CXADR: variants seen among roughly 807,000 people sequenced by gnomAD.
CXADR encodes CXADR cell adhesion molecule.
Under a neutral mutation model 40.3 loss-of-function variants are expected in CXADR, and 20 were observed. The observed-to-expected ratio is 0.50, with a 90% CI of 0.35 to 0.72. CXADR has a LOEUF of 0.72. Among genes scored for constraint, CXADR ranks in the 30% least tolerant of loss-of-function variants. The pLI, the probability that CXADR is intolerant of heterozygous loss-of-function variation, is 0.01. For missense variants in CXADR, 332 were observed against 449.1 expected (o/e 0.74, Z 2.36); for synonymous variants, 150 against 161.3 (o/e 0.93, Z 0.53).
At chr21:17,603,996 C>T in the CXADR span, 3 of 505,670 alleles carry the variant, frequency 5.9e-6, no homozygotes, top group Non-Finnish European at 8.3e-6. Flanking sequence ...ACTGAGAGTG[C>T]CTGGTCCACA....
chr21:17,547,617 G>A lies in CXADR; in HGVS notation c.210+424G>A, dbSNP rs141495791. Among the ~76,000 whole-genome samples, 44 of 152,270 alleles carry A rather than the reference G, an allele frequency of 2.9e-4. No individual in the cohort carries two copies. In the East Asian group the frequency reaches 8.3e-3, roughly 29 times the overall value. ...CGTTAGACAGAATTGAAATTTTTAAGTTTTACCCAAGGATTCTGTCAGCAG... is the reference window on the plus strand; with the variant it reads ...CGTTAGACAGAATTGAAATTTTTAAATTTTACCCAAGGATTCTGTCAGCAG... On this transcript the variant is annotated intron_variant, in intron 2 of 6. Transcript: ENST00000284878.
chr21:17,526,106 A>G (rs971849731), intron 1 of CXADR, among the ~76,000 whole-genome samples: 2 of 152,208 alleles, frequency 1.3e-5, no homozygotes, highest in Non-Finnish European at 2.9e-5. Flanking sequence ...TCTCATTTGC[A>G]CTAGCCATGT....
chr21:17,585,607 T>C (rs1413273786), intron 7 of CXADR, among the ~76,000 whole-genome samples: 1 of 152,158 alleles, frequency 6.6e-6, no homozygotes, highest in East Asian at 1.9e-4. Context: ...AACCTCCGCC[T>C]CCCAGGTTCA....
intron 4 of CXADR, among the ~76,000 whole-genome samples, chr21:17,560,115 C>T (rs2061095048): frequency 6.6e-6 from 1 of 152,026 alleles, no homozygotes; most frequent in Admixed American, 6.6e-5. Context: ...TAAAAGAAAA[C>T]CCGTGTGACA....
At chr21:17,613,621 G>T in the CXADR span, 1 of 152,218 alleles carries the variant, frequency 6.6e-6, no homozygotes, top group East Asian at 1.9e-4. Flanking sequence ...AAGGAATGAA[G>T]CCTTGAGAGT....
At chr21:17,576,029 A>C (rs1189914651) in intron 7 of CXADR, among the ~76,000 whole-genome samples, 2 of 147,332 alleles carry the variant, frequency 1.4e-5, no homozygotes, top group Middle Eastern at 3.5e-3. Flanking sequence ...CAGAGGTTGC[A>C]GTGAGCCGAG....
chr21:17,518,268 AAAAC>A (rs2060486284), intron 1 of CXADR, among the ~76,000 whole-genome samples: 1 of 152,132 alleles, frequency 6.6e-6, no homozygotes, highest in Admixed American at 6.5e-5. Context: ...CCCCAAACCA[AAAAC>A]AAAAAAACCA....
At chr21:17,594,059 T>C (rs2061470579), downstream of CXADR, 2 of 1,600,764 alleles carry the variant, frequency 1.2e-6, no homozygotes, top group African/African-American at 2.7e-5. Flanking sequence ...TCTACCTTTT[T>C]CTCAACATGA....
Position 17,566,898 on chromosome 21 carries a change from C to T in CXADR, c.*1206C>T, listed in dbSNP as rs1158333652. 7 of 982,112 alleles carry T rather than the reference C, an allele frequency of 7.1e-6. No individual in the cohort carries two copies. Among genetic ancestry groups the T allele is most frequent in the Non-Finnish European group, 8.4e-6 (7 of 828,876 alleles). The allele number at this position is 982,112 out of a possible 1,614,324, so 60.8% of individuals were successfully genotyped here. A position where few individuals can be genotyped will look rare whatever the true frequency, so the allele number is the denominator to read the frequency against. On this transcript the variant is annotated 3_prime_UTR_variant, in exon 7 of 7. Transcript: ENST00000284878. ...CTCTGTGTAGTTCCAGCAAATCAAGCTGAGCTTTGAAAAAGTTTGTCTTAG... is the reference window on the plus strand; with the variant it reads ...CTCTGTGTAGTTCCAGCAAATCAAGTTGAGCTTTGAAAAAGTTTGTCTTAG...
chr21:17,546,260 C>T (rs2849896), intron 1 of CXADR, among the ~76,000 whole-genome samples: 106,373 of 152,178 alleles, frequency 0.7, 39,950 homozygotes, highest in Non-Finnish European at 0.83. Context: ...TATACCCTAC[C>T]GACAGTGACT....
At chr21:17,627,689 G>A in the CXADR span, among the ~76,000 whole-genome samples, 49 of 152,144 alleles carry the variant, frequency 3.2e-4, no homozygotes, top group Non-Finnish European at 4.7e-4. Context: ...ATATTAGAGA[G>A]CTGCTAAAAA....
intron 4 of CXADR, among the ~76,000 whole-genome samples, chr21:17,559,669 G>GTTTTTTTT (rs1447996912): frequency 3.6e-5 from 1 of 27,890 alleles, no homozygotes; most frequent in African/African-American, 1.3e-4. Flanking sequence ...TTTTTTTTGG[G>GTTTTTTTT]TTTTTTTTTT....
chr21:17,522,360 C>G (rs62239874), intron 1 of CXADR, among the ~76,000 whole-genome samples: 18,955 of 152,044 alleles, frequency 0.12, 1,373 homozygotes, highest in South Asian at 0.21. Context: ...GTTAGTCAGG[C>G]TGGTTGTGAA....
downstream of CXADR, among the ~76,000 whole-genome samples, chr21:17,572,741 G>T (rs796371398): frequency 4.4e-4 from 52 of 117,370 alleles, no homozygotes; most frequent in African/African-American, 1.5e-3. Flanking sequence ...CAAAATTGCA[G>T]ACTTTTAGTG....
At chr21:17,621,651 T>TAAA in the CXADR span, among the ~76,000 whole-genome samples, 1 of 152,162 alleles carries the variant, frequency 6.6e-6, no homozygotes, top group African/African-American at 2.4e-5. Context: ...AAGGGCTTGA[T>TAAA]GGAGGCTCTT....
rs183091136 is a variant in CXADR, at chr21:17,562,673, T to C, written c.833+1197T>C. 1.3e-4 allele frequency among the ~76,000 whole-genome samples: 20 copies of C among 152,374 alleles called. No individual in the cohort carries two copies. In the East Asian group the frequency reaches 1.7e-3, roughly 13 times the overall value. ...TTCCAGTAGAAGTCTGTTTTGTCTC[T>C]ATTGAAAATCTGTTACTTAGTGTAG... On this transcript the variant is annotated intron_variant, in intron 6 of 6. Coordinates refer to ENST00000284878, the MANE Select transcript of CXADR (RefSeq NM_001338.5).
rs1055154553 is a variant in CXADR, at chr21:17,569,804, C to T, written c.*4112C>T. 7 of 985,230 alleles carry T rather than the reference C, an allele frequency of 7.1e-6. No individual in the cohort carries two copies. The highest frequency in any genetic ancestry group is 7.2e-6 in the Non-Finnish European group (6 of 829,878). 61.0% of individuals were successfully genotyped at this position (985,230 alleles called of 1,614,324 possible). A position where few individuals can be genotyped will look rare whatever the true frequency, so the allele number is the denominator to read the frequency against. On this transcript the variant is annotated 3_prime_UTR_variant, in exon 7 of 7. Transcript: ENST00000284878. ...AACAGAACTTTGTGTTTTCTGCTAACTTATTTAATGACACAAGTTTTAAGA... is the reference window on the plus strand; with the variant it reads ...AACAGAACTTTGTGTTTTCTGCTAATTTATTTAATGACACAAGTTTTAAGA...
chr21:17,601,789 G>C, the CXADR span, among the ~76,000 whole-genome samples: 1 of 152,104 alleles, frequency 6.6e-6, no homozygotes, highest in Non-Finnish European at 1.5e-5. Context: ...AAATGGAAAG[G>C]CAAGAAATTT....
At chr21:17,556,701 C>T (rs2061040559) in intron 3 of CXADR, among the ~76,000 whole-genome samples, 1 of 152,212 alleles carries the variant, frequency 6.6e-6, no homozygotes, top group African/African-American at 2.4e-5. Context: ...CTCCAGAGCA[C>T]CTGGTCAGAT....
Sources: allele counts gnomAD v4.1 joint callset (sites outside exome capture counted in the v4.1 genomes callset), GRCh38; gene constraint gnomAD v4.1.1; transcripts MANE v1.5; gene names NCBI Gene and HGNC (gene_info 2026-07-23, HGNC 2026-07-21).